Variants in LRTM3 observed in about 807,000 individuals in gnomAD.
LRTM3 encodes leucine rich repeat transmembrane protein 3, also known as leucine-rich repeat transmembrane protein 3.
the LRTM3 span, chr13:102,738,820 C>A: frequency 6.5e-7 from 1 of 1,550,302 alleles, no homozygotes; most frequent in South Asian, 1.2e-5. Flanking sequence ...CTTCCTGAAT[C>A]TTTCCTCCTT....
the LRTM3 span, chr13:102,742,680 C>T: frequency 1.3e-6 from 2 of 1,550,694 alleles, no homozygotes; most frequent in Non-Finnish European, 1.7e-6. Flanking sequence ...GATTGTGAAA[C>T]TGCTGATTGC....
At chr13:102,758,551 C>G in the LRTM3 span, 2 of 1,547,496 alleles carry the variant, frequency 1.3e-6, no homozygotes, top group Non-Finnish European at 1.7e-6. Context: ...ACCAAGTTTC[C>G]TGCTTTTGGG....
chr13:102,744,049 T>A, the LRTM3 span: 1 of 1,550,626 alleles, frequency 6.4e-7, no homozygotes, highest in Admixed American at 2.0e-5. Flanking sequence ...TTGATTTGGA[T>A]GTTGTACTCT....
chr13:102,743,890 G>T, the LRTM3 span: 2 of 1,550,622 alleles, frequency 1.3e-6, no homozygotes, highest in Non-Finnish European at 1.7e-6. Context: ...AAACAGGCAT[G>T]AAGAAATCTA....
the LRTM3 span, chr13:102,729,842 C>T: frequency 6.4e-7 from 1 of 1,551,810 alleles, no homozygotes; most frequent in South Asian, 1.2e-5. Flanking sequence ...GCTGTTCTTC[C>T]TAAATAAATC....
the LRTM3 span, among the ~76,000 whole-genome samples, chr13:102,752,271 C>T: frequency 6.6e-6 from 1 of 152,174 alleles, no homozygotes; most frequent in South Asian, 2.1e-4. Flanking sequence ...CTCAATTGCT[C>T]ATGCACACAT....
the LRTM3 span, among the ~76,000 whole-genome samples, chr13:102,753,535 T>C: frequency 2.5e-4 from 37 of 146,024 alleles, 1 homozygote; most frequent in African/African-American, 8.1e-4. Flanking sequence ...GAAAAGAGCA[T>C]GTGAGGACAC....
At chr13:102,752,874 T>TTA in the LRTM3 span, among the ~76,000 whole-genome samples, 8 of 152,262 alleles carry the variant, frequency 5.3e-5, no homozygotes, top group Non-Finnish European at 1.2e-4. Flanking sequence ...TTAACTGATG[T>TTA]TAGTTAACTT....
chr13:102,742,223 T>C, the LRTM3 span: 1 of 1,550,602 alleles, frequency 6.4e-7, no homozygotes, highest in East Asian at 2.4e-5. Context: ...CAGTTCTTTT[T>C]TATTGCTTGC....
chr13:102,749,112 C>A, the LRTM3 span: 2 of 1,549,888 alleles, frequency 1.3e-6, no homozygotes, highest in Non-Finnish European at 1.7e-6. Context: ...TCATGTAATT[C>A]TTTCTTCTCA....
chr13:102,745,335 G>C, the LRTM3 span: 1 of 1,550,570 alleles, frequency 6.4e-7, no homozygotes, highest in East Asian at 2.4e-5. Context: ...TGCTTTACTT[G>C]AGTAGAACTG....
the LRTM3 span, chr13:102,741,804 C>A: frequency 6.4e-7 from 1 of 1,550,414 alleles, no homozygotes; most frequent in Non-Finnish European, 8.7e-7. Flanking sequence ...GCTCTTTGTG[C>A]AATGAGGAAT....
At chr13:102,733,229 T>TG in the LRTM3 span, 3 of 1,551,286 alleles carry the variant, frequency 1.9e-6, no homozygotes, top group Non-Finnish European at 8.7e-7. Context: ...TTCTATATTT[T>TG]GGGGGGCATT....
the LRTM3 span, chr13:102,730,090 T>C: frequency 1.3e-6 from 2 of 1,550,768 alleles, no homozygotes; most frequent in African/African-American, 2.7e-5. Context: ...TTTTGGAAGA[T>C]GATCTATATT....
At chr13:102,738,063 C>T in the LRTM3 span, 1 of 1,550,314 alleles carries the variant, frequency 6.5e-7, no homozygotes, top group East Asian at 2.4e-5. Flanking sequence ...TTCCCTTGCT[C>T]CTCACCTTCT....
At chr13:102,735,645 T>G in the LRTM3 span, 1 of 1,551,310 alleles carries the variant, frequency 6.4e-7, no homozygotes, top group Middle Eastern at 1.7e-4. Flanking sequence ...ATATCTATTC[T>G]GAGTCCACCT....
the LRTM3 span, chr13:102,749,198 G>C: frequency 1.3e-6 from 2 of 1,550,418 alleles, no homozygotes; most frequent in Non-Finnish European, 1.7e-6. Flanking sequence ...TTGTGAAGTT[G>C]GTGTTTTTTT....
chr13:102,743,571 T>A, the LRTM3 span: 1 of 1,550,002 alleles, frequency 6.5e-7, no homozygotes, highest in Non-Finnish European at 8.7e-7. Flanking sequence ...ATTGTGTTTA[T>A]CTGGTTTTTA....
chr13:102,746,760 T>C, the LRTM3 span: 15 of 1,551,088 alleles, frequency 9.7e-6, no homozygotes, highest in Non-Finnish European at 1.0e-5. Flanking sequence ...CAGTAACCCA[T>C]TTCTCTTGTA....
Sources: allele counts gnomAD v4.1 joint callset (sites outside exome capture counted in the v4.1 genomes callset), GRCh38; gene constraint gnomAD v4.1.1; transcripts MANE v1.5; gene names NCBI Gene and HGNC (gene_info 2026-07-23, HGNC 2026-07-21).